Variants in TNR observed in about 807,000 individuals in gnomAD.
TNR encodes tenascin-R.
TNR carries 45 observed loss-of-function variants against 150.4 expected under a neutral mutation model. The observed-to-expected ratio is 0.30, with a 90% confidence interval of 0.24 to 0.38. The LOEUF is 0.38. TNR is among the 10% of genes least tolerant of loss of function. The probability of loss-of-function intolerance (pLI) is 1.00; values close to 1 mark genes in which losing one functional copy is unlikely to be tolerated. For missense variants in TNR, 1,544 were observed against 1,759.1 expected (o/e 0.88, Z 2.19); for synonymous variants, 687 against 678.4 (o/e 1.01, Z -0.20).
chr1:175,340,047 A>G (rs954924914), intron 18 of TNR, among the ~76,000 whole-genome samples: 1 of 152,216 alleles, frequency 6.6e-6, no homozygotes, highest in African/African-American at 2.4e-5. Context: ...GCTATCATAT[A>G]AAATAGTGAT....
chr1:175,669,590 T>C (rs1571734271), intron 1 of TNR, among the ~76,000 whole-genome samples: 1 of 152,216 alleles, frequency 6.6e-6, no homozygotes, highest in East Asian at 1.9e-4. Flanking sequence ...CTAGTAGAAG[T>C]CCAAGTTAAG....
At chr1:175,533,215 C>T in intron 1 of TNR, among the ~76,000 whole-genome samples, 1 of 152,196 alleles carries the variant, frequency 6.6e-6, no homozygotes, top group Non-Finnish European at 1.5e-5. Flanking sequence ...TACTGAATCC[C>T]TCTAAGCACT....
At position 175,354,514 on chromosome 1, in the gene TNR, C is replaced by T. The variant is rs1423273027; in HGVS notation, c.3259G>A (p.Val1087Met). Residue 1087 changes from valine (V) to methionine (M), a missense_variant, in exon 18 of 23, where the codon GTG becomes ATG. Val to Met is a conservative substitution (Grantham distance 21, BLOSUM62 1). Coordinates refer to ENST00000367674, the MANE Select transcript of TNR (RefSeq NM_003285.3). ...CGAATCCAGGTGTCTTCTGCATCCA[C>T]AATCAGCTCCTGTATAATGAGCCAA... is the stretch of plus-strand genomic sequence containing the variant. ...STDGSRKELI[V>M]DAEDTWIRLE... 1 of 1,614,104 alleles carries T rather than the reference C, an allele frequency of 6.2e-7. No homozygotes were observed. Among genetic ancestry groups the T allele is most frequent in the Admixed American group, 1.7e-5 (1 of 60,032 alleles).
At chr1:175,532,993 C>A (rs911784571) in intron 1 of TNR, among the ~76,000 whole-genome samples, 1 of 152,182 alleles carries the variant, frequency 6.6e-6, no homozygotes, top group Non-Finnish European at 1.5e-5. Flanking sequence ...GAAAAAGCTG[C>A]AGAAGGGTAT....
chr1:175,335,384 G>A (rs1650187736), intron 20 of TNR: 2 of 239,394 alleles, frequency 8.4e-6, no homozygotes, highest in Non-Finnish European at 1.6e-5. Context: ...TTGCTTCTGG[G>A]AGATGGCCAG....
intron 2 of TNR, among the ~76,000 whole-genome samples, chr1:175,434,082 T>G (rs993969743): frequency 3.3e-5 from 5 of 152,178 alleles, no homozygotes; most frequent in Non-Finnish European, 7.3e-5. Flanking sequence ...CAGTGTGTGG[T>G]CCCAAGGAAC....
intron 1 of TNR, among the ~76,000 whole-genome samples, chr1:175,644,287 T>C (rs973804678): frequency 2.6e-5 from 4 of 152,186 alleles, no homozygotes; most frequent in African/African-American, 7.2e-5. Context: ...CTGGTCTCAG[T>C]TTATTGCAGA....
chr1:175,370,583 CT>C (rs966149656), intron 9 of TNR, among the ~76,000 whole-genome samples: 6 of 152,034 alleles, frequency 3.9e-5, no homozygotes, highest in East Asian at 1.9e-4. Flanking sequence ...GCAATACCCC[CT>C]GATCCATTTG....
chr1:175,556,104 A>C (rs562435287), intron 1 of TNR, among the ~76,000 whole-genome samples: 7 of 152,378 alleles, frequency 4.6e-5, no homozygotes, highest in Non-Finnish European at 8.8e-5. Flanking sequence ...CCAAATAAGA[A>C]GACCGACGGC....
In TNR at chr1:175,362,791, G is replaced by A; in HGVS notation, c.2726C>T (p.Ser909Leu). Residue 909 changes from serine to leucine, a missense_variant, in exon 14 of 23, where the codon TCA becomes TTA. Ser to Leu is a moderately radical substitution (Grantham distance 145). Coordinates refer to ENST00000367674, the MANE Select transcript of TNR (RefSeq NM_003285.3). ...TTCTGTCACAGTGTTGGGCACCACT[G>A]AGCTGTCTAGTCGTCCCACTGGAGA... ...RPTQVGRLDSSVVPNTVTEFT... is the reference protein window; with the variant it reads ...RPTQVGRLDSLVVPNTVTEFT... 1 of 1,614,120 alleles carries A rather than the reference G, an allele frequency of 6.2e-7. No homozygotes were observed. Among genetic ancestry groups the A allele is most frequent in the Non-Finnish European group, 8.5e-7 (1 of 1,179,996 alleles).
At chr1:175,375,576 C>G (rs114028117) in intron 9 of TNR, among the ~76,000 whole-genome samples, 2,112 of 152,198 alleles carry the variant, frequency 0.014, 40 homozygotes, top group African/African-American at 0.048. Flanking sequence ...TTGCTGCCAG[C>G]CAGCTCTGGG....
At chr1:175,690,601 T>C (rs1464724577) in intron 1 of TNR, among the ~76,000 whole-genome samples, 1 of 152,158 alleles carries the variant, frequency 6.6e-6, no homozygotes, top group Non-Finnish European at 1.5e-5. Flanking sequence ...TGAGAGGTGG[T>C]GAGGCAGGTG....
At chr1:175,558,459 G>A (rs931553712) in intron 1 of TNR, among the ~76,000 whole-genome samples, 2 of 152,066 alleles carry the variant, frequency 1.3e-5, no homozygotes, top group African/African-American at 4.8e-5. Context: ...TAAATATGAG[G>A]AAACTAAAGC....
chr1:175,550,174 CTA>C (rs1660880312), intron 1 of TNR, among the ~76,000 whole-genome samples: 2 of 152,180 alleles, frequency 1.3e-5, no homozygotes, highest in Non-Finnish European at 2.9e-5. Context: ...CAAAAAGTAA[CTA>C]TCTGATTTGG....
intron 1 of TNR, among the ~76,000 whole-genome samples, chr1:175,716,095 A>G (rs1667150019): frequency 6.6e-6 from 1 of 152,158 alleles, no homozygotes; most frequent in South Asian, 2.1e-4. Context: ...CCATTTAGGA[A>G]TTGCTTCTAA....
intron 2 of TNR, among the ~76,000 whole-genome samples, chr1:175,513,100 T>C (rs1170873039): frequency 6.6e-6 from 1 of 152,196 alleles, no homozygotes; most frequent in Non-Finnish European, 1.5e-5. Flanking sequence ...TCTTAGGATG[T>C]TCTGTTGGGT....
chr1:175,680,639 G>T (rs1666006245), intron 1 of TNR, among the ~76,000 whole-genome samples: 1 of 152,104 alleles, frequency 6.6e-6, no homozygotes, highest in Non-Finnish European at 1.5e-5. Context: ...CAGAGACAGA[G>T]CCTCAAGGGG....
chr1:175,734,729 G>A (rs1667726329), intron 1 of TNR, among the ~76,000 whole-genome samples: 1 of 152,158 alleles, frequency 6.6e-6, no homozygotes, highest in African/African-American at 2.4e-5. Flanking sequence ...TTTTCTTCCT[G>A]TTTTTAAACA....
chr1:175,620,173 A>G (rs1663920656), intron 1 of TNR, among the ~76,000 whole-genome samples: 1 of 152,124 alleles, frequency 6.6e-6, no homozygotes, highest in African/African-American at 2.4e-5. Context: ...CTGGCACAGA[A>G]CTCTTTCTCC....
Sources: gnomAD v4.1 joint callset for allele counts (sites outside exome capture counted in the v4.1 genomes callset) on GRCh38, gnomAD v4.1.1 for gene constraint, MANE v1.5 for transcripts, NCBI Gene and HGNC (gene_info 2026-07-23, HGNC 2026-07-21) for gene names.